Variants in MDGA2 observed in about 807,000 individuals in gnomAD.
The protein encoded by MDGA2 is MAM domain containing glycosylphosphatidylinositol anchor 2, also known as MAM domain-containing glycosylphosphatidylinositol anchor protein 2.
MDGA2 carries 40 observed loss-of-function variants against 117.8 expected under a neutral mutation model. The ratio of observed to expected loss-of-function variants is 0.34; its 90% CI spans 0.26 to 0.44. MDGA2 has a LOEUF of 0.44. MDGA2 is among the 20% of genes least tolerant of loss of function. MDGA2 has a pLI of 1.00. For missense variants in MDGA2, 1,123 were observed against 1,250.6 expected (o/e 0.90, Z 1.54); for synonymous variants, 452 against 439.0 (o/e 1.03, Z -0.37).
At chr14:47,064,521 A>C (rs1187283323) in intron 6 of MDGA2, among the ~76,000 whole-genome samples, 1 of 152,108 alleles carries the variant, frequency 6.6e-6, no homozygotes, top group Non-Finnish European at 1.5e-5. Flanking sequence ...TACTTAGCTC[A>C]GAAAACTAAG....
chr14:47,197,567 T>G (rs141158772), intron 3 of MDGA2, among the ~76,000 whole-genome samples: 1 of 152,306 alleles, frequency 6.6e-6, no homozygotes, highest in East Asian at 1.9e-4. Context: ...CCCTCAGGCA[T>G]GTTTGTCAGA....
intron 1 of MDGA2, among the ~76,000 whole-genome samples, chr14:47,620,910 CTATT>C (rs1897038295): frequency 6.6e-6 from 1 of 152,166 alleles, no homozygotes; most frequent in South Asian, 2.1e-4. Context: ...AAATTGCCCA[CTATT>C]TGTCACCTGA....
chr14:47,165,125 T>G (rs1883814605), intron 3 of MDGA2, among the ~76,000 whole-genome samples: 1 of 152,022 alleles, frequency 6.6e-6, no homozygotes, highest in African/African-American at 2.4e-5. Flanking sequence ...GGGGTAGGGA[T>G]AGCATTAGGA....
intron 1 of MDGA2, among the ~76,000 whole-genome samples, chr14:47,622,751 C>T (rs1897072714): frequency 6.6e-6 from 1 of 152,154 alleles, no homozygotes. Flanking sequence ...ATCAGAATGG[C>T]ATGAATCTTC....
rs184665801 is a variant in MDGA2 at position 47,023,921 on chromosome 14, T to C, written c.1819+11090A>G. On this transcript the variant is annotated intron_variant, in intron 8 of 16. Transcript: ENST00000399232. The stretch of plus-strand genomic sequence containing the variant: ...GAGTAAGGAAACAATAGGATCAAAA[T>C]CTGATATACAGAGAAGAAGAATAAA... Among the ~76,000 whole-genome samples the C allele has an allele frequency of 2.3e-4, 35 of 152,156 alleles. No individual in the cohort carries two copies. In the East Asian group the frequency reaches 5.6e-3, roughly 24 times the overall value.
intron 1 of MDGA2, among the ~76,000 whole-genome samples, chr14:47,350,741 A>G (rs985883138): frequency 6.6e-6 from 1 of 152,244 alleles, no homozygotes; most frequent in African/African-American, 2.4e-5. Flanking sequence ...TTCCATTTCA[A>G]TAGCTCTCAA....
intron 9 of MDGA2, among the ~76,000 whole-genome samples, chr14:46,956,596 T>A (rs893965381): frequency 2.6e-5 from 4 of 151,698 alleles, no homozygotes; most frequent in Admixed American, 6.6e-5. Flanking sequence ...AGAAAAAAAA[T>A]TCTGGTAATA....
chr14:47,435,694 G>A (rs1179013257), intron 1 of MDGA2, among the ~76,000 whole-genome samples: 1 of 152,060 alleles, frequency 6.6e-6, no homozygotes, highest in Non-Finnish European at 1.5e-5. Context: ...AAGGCTTATT[G>A]AAAAATGCTA....
chr14:47,279,144 T>C (rs978610848), intron 2 of MDGA2, among the ~76,000 whole-genome samples: 4 of 152,184 alleles, frequency 2.6e-5, no homozygotes, highest in African/African-American at 9.7e-5. Context: ...GAAATTGTGG[T>C]CAAAATCTAG....
chr14:46,975,694 G>C (rs768177925), intron 8 of MDGA2, among the ~76,000 whole-genome samples: 93 of 152,168 alleles, frequency 6.1e-4, no homozygotes, highest in Non-Finnish European at 1.1e-3. Context: ...TGGGGGAGGA[G>C]ATATCTTAGT....
chr14:47,056,880 G>A (rs1889694013), intron 7 of MDGA2, among the ~76,000 whole-genome samples: 1 of 151,866 alleles, frequency 6.6e-6, no homozygotes, highest in Admixed American at 6.6e-5. Context: ...TTTTCAGCAA[G>A]TATGTGAAGT....
At chr14:47,357,009 T>C (rs1418337283) in intron 1 of MDGA2, among the ~76,000 whole-genome samples, 1 of 152,226 alleles carries the variant, frequency 6.6e-6, no homozygotes, top group African/African-American at 2.4e-5. Flanking sequence ...GAGATTTTAC[T>C]TTTACTTAGC....
intron 10 of MDGA2, among the ~76,000 whole-genome samples, chr14:46,888,250 C>T (rs913390459): frequency 6.6e-6 from 1 of 151,828 alleles, no homozygotes; most frequent in Non-Finnish European, 1.5e-5. Flanking sequence ...GCAATGTTTG[C>T]ACATACATAA....
At chr14:47,511,154 C>G (rs1224394998) in intron 1 of MDGA2, among the ~76,000 whole-genome samples, 1 of 152,076 alleles carries the variant, frequency 6.6e-6, no homozygotes, top group East Asian at 1.9e-4. Flanking sequence ...GGGACAGTAC[C>G]TATCAGGAAG....
chr14:47,421,759 T>C (rs1815636), intron 1 of MDGA2, among the ~76,000 whole-genome samples: 96,405 of 151,870 alleles, frequency 0.63, 30,709 homozygotes, highest in South Asian at 0.73. Flanking sequence ...AACAGGATAA[T>C]AGTAATGGAA....
chr14:46,870,330 G>A (rs1423978844), intron 14 of MDGA2, among the ~76,000 whole-genome samples: 3 of 151,900 alleles, frequency 2.0e-5, no homozygotes, highest in Non-Finnish European at 4.4e-5. Flanking sequence ...TAGGCTATTA[G>A]AAATTCAGGA....
rs117531125 is a variant in MDGA2 at position 47,399,736 on chromosome 14, C to A, written c.281-98186G>T. Among the ~76,000 whole-genome samples, 14 of 148,610 alleles carry A rather than the reference C, an allele frequency of 9.4e-5. No homozygotes were observed. In the East Asian group the frequency reaches 2.9e-3, roughly 31 times the overall value. On this transcript the variant is annotated intron_variant, in intron 1 of 16. Transcript: ENST00000399232. ...TTTCCTAAAGAGTTTACAAAAAAAT[C>A]ACGAAACAAATCATGTCTGTTTTTT...
chr14:47,393,196 T>TA (rs1324302003), intron 1 of MDGA2, among the ~76,000 whole-genome samples: 1 of 151,622 alleles, frequency 6.6e-6, no homozygotes, highest in East Asian at 1.9e-4. Flanking sequence ...CTTGAGAAAT[T>TA]AAAAAACTTT....
At chr14:47,169,052 T>C (rs1884012204) in intron 3 of MDGA2, among the ~76,000 whole-genome samples, 1 of 152,036 alleles carries the variant, frequency 6.6e-6, no homozygotes, top group African/African-American at 2.4e-5. Flanking sequence ...AATTTATTTA[T>C]TTAGTTGGTC....
Sources: gnomAD v4.1 joint callset for allele counts (sites outside exome capture counted in the v4.1 genomes callset) on GRCh38, gnomAD v4.1.1 for gene constraint, MANE v1.5 for transcripts, NCBI Gene and HGNC (gene_info 2026-07-23, HGNC 2026-07-21) for gene names.